The following ACOX3 variants were observed in gnomAD, a reference collection of about 807,000 sequenced individuals.
ACOX3 encodes the protein peroxisomal acyl-coenzyme A oxidase 3.
A neutral mutation model predicts 81.5 loss-of-function variants in ACOX3; 73 were observed. That is an observed-to-expected ratio of 0.90 (90% CI 0.74 to 1.09). ACOX3 has a LOEUF of 1.09. Among genes scored for constraint, ACOX3 ranks in the 50% least tolerant of loss-of-function variants. The pLI is 0.00. For synonymous variants in ACOX3, 387 were observed against 375.1 expected (o/e 1.03, Z -0.37); for missense variants, 947 against 928.0 (o/e 1.02, Z -0.27).
chr4:8,375,163 G>C lies in ACOX3; in HGVS notation c.1654-11C>G. 6.5e-7 allele frequency: 1 copy of C among 1,527,392 alleles called. No homozygotes were observed. Among genetic ancestry groups the C allele is most frequent in the Non-Finnish European group, 8.8e-7 (1 of 1,130,420 alleles). The allele number at this position is 1,527,392 out of a possible 1,614,324, so 94.6% of individuals were successfully genotyped here. A position where few individuals can be genotyped will look rare whatever the true frequency, so the allele number is the denominator to read the frequency against. Reference sequence around the variant, plus strand: ...ACGGCCGTGGGACACCTGGAACACAGGACGGCACCGTGAGGACCGTGAGGG... The same window carrying C: ...ACGGCCGTGGGACACCTGGAACACACGACGGCACCGTGAGGACCGTGAGGG... On this transcript the variant is annotated splice_polypyrimidine_tract_variant and intron_variant, in intron 14 of 17. Coordinates refer to ENST00000356406, the MANE Select transcript of ACOX3 (RefSeq NM_003501.3).
intron 14 of ACOX3, among the ~76,000 whole-genome samples, chr4:8,379,582 C>T (rs753643327): frequency 6.6e-6 from 1 of 152,166 alleles, no homozygotes; most frequent in African/African-American, 2.4e-5. Context: ...AGGGGTTTCT[C>T]AGCAGCTGAG....
intron 1 of ACOX3, among the ~76,000 whole-genome samples, chr4:8,424,888 G>C (rs1183540799): frequency 6.6e-6 from 1 of 152,242 alleles, no homozygotes; most frequent in Admixed American, 6.5e-5. Context: ...AGGGTATGCA[G>C]TGGTCAGTGA....
intron 15 of ACOX3, 23 bp from the exon 16 acceptor site, chr4:8,373,651 A>G (rs368782755): frequency 1.4e-5 from 23 of 1,604,960 alleles, no homozygotes; most frequent in Non-Finnish European, 1.7e-5. Flanking sequence ...CCTCGGTCAC[A>G]TGGGGGCTGG....
At position 8,416,898 on chromosome 4, in the gene ACOX3, C is replaced by T. The variant is rs1722406023; in HGVS notation, c.-14-363G>A. On this transcript the variant is annotated intron_variant, in intron 1 of 17. Transcript: ENST00000356406. The surrounding 1 kb of genome is among the most constrained non-coding windows in gnomAD (Gnocchi z 4.2). ...CACCCCGGACATCCAGACTCATCCC[C>T]AAGGCTCACTAAACCCAGGGTCAGG... Among the ~76,000 whole-genome samples the T allele has an allele frequency of 6.6e-6, 1 of 152,210 alleles. No individual in the cohort carries two copies.
chr4:8,410,490 T>A, intron 5 of ACOX3, 135 bp from the exon 6 acceptor site: 6 of 1,204,260 alleles, frequency 5.0e-6, no homozygotes, highest in African/African-American at 1.5e-5. Context: ...TCGCACATTT[T>A]AGTTCTTGTA....
rs539904321 is a variant in ACOX3, at chr4:8,407,354, G to A, written c.688-1311C>T. 2.7e-4 allele frequency among the ~76,000 whole-genome samples: 41 copies of A among 152,254 alleles called. No individual in the cohort carries two copies. In the South Asian group the frequency reaches 8.3e-3, roughly 31 times the overall value. On this transcript the variant is annotated intron_variant, in intron 6 of 17. Coordinates refer to ENST00000356406, the MANE Select transcript of ACOX3 (RefSeq NM_003501.3). This position sits in a 1 kb window ranked among gnomAD's most constrained non-coding sequence, Gnocchi z 4.6. ...ATATTTTATTACACTGGAACAGCTCGTGTCCTCAGTCTCTTGCCTCGGCAC... is the reference window on the plus strand; with the variant it reads ...ATATTTTATTACACTGGAACAGCTCATGTCCTCAGTCTCTTGCCTCGGCAC...
rs1723954340 is a variant in ACOX3 at position 8,431,542 on chromosome 4, G to A, written c.-15+9106C>T. On this transcript the variant is annotated intron_variant, in intron 1 of 17. Transcript: ENST00000356406. The surrounding 1 kb of genome is among the most constrained non-coding windows in gnomAD (Gnocchi z 5.3). ...ACTCTGTTGTATTTGGGACCTGGGT[G>A]GATGGAGATGCCACTGGGACTGACA... 6.6e-6 allele frequency among the ~76,000 whole-genome samples: 1 copy of A among 152,240 alleles called. No individual in the cohort carries two copies. The highest frequency in any genetic ancestry group is 1.5e-5 in the Non-Finnish European group (1 of 68,046).
chr4:8,406,089 C>T lies in ACOX3; in HGVS notation c.688-46G>A, dbSNP rs377180184. ...CAGCAAACAGCAACTGTTACAATCACACAAAAATCAAAACAAATGTGTTCA... is the reference window on the plus strand; with the variant it reads ...CAGCAAACAGCAACTGTTACAATCATACAAAAATCAAAACAAATGTGTTCA... On this transcript the variant is annotated intron_variant, in intron 6 of 17. Transcript: ENST00000356406. This position sits in a 1 kb window ranked among gnomAD's most constrained non-coding sequence, Gnocchi z 5.6. 20 of 1,579,620 alleles carry T rather than the reference C, an allele frequency of 1.3e-5. No individual in the cohort carries two copies. Among genetic ancestry groups the T allele is most frequent in the Admixed American group, 1.7e-5 (1 of 59,924 alleles).
chr4:8,427,351 C>A (rs1459727570), intron 1 of ACOX3, among the ~76,000 whole-genome samples: 1 of 152,228 alleles, frequency 6.6e-6, no homozygotes, highest in Non-Finnish European at 1.5e-5. Context: ...TGCAACTGCA[C>A]ACTTTTCTGG....
In ACOX3 at chr4:8,405,975, C is replaced by T. The variant is rs767571791; in HGVS notation, c.756G>A (p.Gly252=). ...VMVGDIGKKL[G]QNGLDNGFAM... ...CTCACCCATTATCCAGACCGTTCTG[C>T]CCGAGTTTTTTTCCTATGTCGCCAA... The change falls in exon 7 of 18, where the codon GGG becomes GGA. Residue 252 remains glycine, a synonymous_variant. Coordinates refer to ENST00000356406, the MANE Select transcript of ACOX3 (RefSeq NM_003501.3). The surrounding 1 kb of genome is among the most constrained non-coding windows in gnomAD (Gnocchi z 7.1). The T allele has an allele frequency of 6.2e-7, 1 of 1,614,162 alleles. No homozygotes were observed. Among genetic ancestry groups the T allele is most frequent in the Non-Finnish European group, 8.5e-7 (1 of 1,180,034 alleles).
Position 8,366,948 on chromosome 4 carries a change from T to C in ACOX3, c.*13A>G. ...TCGTTTCATTAGACTTGGCTGAATG[T>C]GTGCCAGTCCCACTAGAGCTTCGAT... On this transcript the variant is annotated 3_prime_UTR_variant, in exon 18 of 18. Transcript: ENST00000356406. The C allele has an allele frequency of 6.2e-7, 1 of 1,613,450 alleles. No homozygotes were observed.
rs764802388 is a variant in ACOX3 at position 8,392,466 on chromosome 4, G to T, written c.1180-13C>A. The T allele has an allele frequency of 2.6e-6, 4 of 1,551,884 alleles. No individual in the cohort carries two copies. Among genetic ancestry groups the T allele is most frequent in the African/African-American group, 2.8e-5 (2 of 72,342 alleles). Reference sequence around the variant, plus strand: ...GTCCAAGCTCTGCCTTTGGGTGAGGGAATCCAACAAGAACAGGTGAAAAGA... The same window carrying T: ...GTCCAAGCTCTGCCTTTGGGTGAGGTAATCCAACAAGAACAGGTGAAAAGA... On this transcript the variant is annotated splice_polypyrimidine_tract_variant and intron_variant, in intron 10 of 17. Coordinates refer to ENST00000356406, the MANE Select transcript of ACOX3 (RefSeq NM_003501.3).
intron 1 of ACOX3, among the ~76,000 whole-genome samples, chr4:8,427,448 A>AC (rs1045145614): frequency 8.6e-5 from 13 of 151,672 alleles, no homozygotes; most frequent in Admixed American, 1.3e-4. Flanking sequence ...GCTGACTTCC[A>AC]CCCCCCTCCA....
Position 8,382,028 on chromosome 4 carries a change from C to T in ACOX3, c.1538-421G>A, listed in dbSNP as rs931868278. Among the ~76,000 whole-genome samples the T allele has an allele frequency of 2.6e-5, 4 of 152,210 alleles. No individual in the cohort carries two copies. The highest frequency in any genetic ancestry group is 3.9e-4 in the East Asian group (2 of 5,190). On this transcript the variant is annotated intron_variant, in intron 13 of 17. Transcript: ENST00000356406. The surrounding 1 kb of genome is among the most constrained non-coding windows in gnomAD (Gnocchi z 4.1). ...CAGCAGGACAACTGGCCGGCGGTGG[C>T]GCCCAGTGGCGAGAGGAAGGGGTGC...
intron 1 of ACOX3, among the ~76,000 whole-genome samples, chr4:8,417,790 T>C (rs1722503123): frequency 6.6e-6 from 1 of 152,172 alleles, no homozygotes; most frequent in African/African-American, 2.4e-5. Context: ...ACTGACACAA[T>C]TGGCAAACTT....
At position 8,416,539 on chromosome 4, in the gene ACOX3, CACAAAACA is replaced by C. The variant is rs1560200334; in HGVS notation, c.-14-12_-14-5del. Reference sequence around the variant, plus strand: ...GATGCCATCGCGTGATAAGAGCCTGCACAAAACATGCAACCTGAATCCATGCTCTCCCA... The same window carrying C: ...GATGCCATCGCGTGATAAGAGCCTGCTGCAACCTGAATCCATGCTCTCCCA... On this transcript the variant is annotated splice_region_variant and splice_polypyrimidine_tract_variant and intron_variant, in intron 1 of 17. Transcript: ENST00000356406. This position sits in a 1 kb window ranked among gnomAD's most constrained non-coding sequence, Gnocchi z 4.2. The C allele has an allele frequency of 1.3e-6, 2 of 1,577,980 alleles. No homozygotes were observed. The highest frequency in any genetic ancestry group is 1.7e-6 in the Non-Finnish European group (2 of 1,161,176).
downstream of ACOX3, among the ~76,000 whole-genome samples, chr4:8,362,517 C>A (rs1451489013): frequency 6.6e-6 from 1 of 152,200 alleles, no homozygotes; most frequent in Non-Finnish European, 1.5e-5. Flanking sequence ...CATCTGATTT[C>A]TTTTGTAACA....
At chr4:8,411,220 G>T (rs924368240) in intron 5 of ACOX3, among the ~76,000 whole-genome samples, 3 of 152,238 alleles carry the variant, frequency 2.0e-5, no homozygotes, top group Non-Finnish European at 4.4e-5. Flanking sequence ...GCCGCCTCGG[G>T]AGACACTGAT....
intron 5 of ACOX3, among the ~76,000 whole-genome samples, chr4:8,411,782 C>T (rs1721755211): frequency 6.6e-6 from 1 of 152,218 alleles, no homozygotes; most frequent in Non-Finnish European, 1.5e-5. Context: ...TGTCTCCCCC[C>T]AGCCCACAAC....
Sources: gnomAD v4.1 joint callset for allele counts (sites outside exome capture counted in the v4.1 genomes callset) on GRCh38, gnomAD v4.1.1 for gene constraint, Gnocchi (gnomAD v3.1) non-coding constraint, MANE v1.5 for transcripts, NCBI Gene and HGNC (gene_info 2026-07-23, HGNC 2026-07-21) for gene names.